Variants in IGFBP2 observed in about 807,000 individuals in gnomAD.
IGFBP2 encodes the protein insulin-like growth factor-binding protein 2.
In IGFBP2, 12 loss-of-function variants were observed where a neutral mutation model predicts 26.2. That is an observed-to-expected ratio of 0.46 (90% CI 0.29 to 0.74). The LOEUF (loss-of-function observed/expected upper bound fraction) is 0.74. IGFBP2 is among the 30% of genes least tolerant of loss of function. The pLI is 0.09. For missense variants in IGFBP2, 328 were observed against 441.2 expected (o/e 0.74, Z 2.30); for synonymous variants, 189 against 200.6 (o/e 0.94, Z 0.49).
intron 1 of IGFBP2, among the ~76,000 whole-genome samples, chr2:216,635,838 A>G (rs1237436589): frequency 6.6e-6 from 1 of 151,918 alleles, no homozygotes; most frequent in African/African-American, 2.4e-5. Flanking sequence ...CTGCCTGGTT[A>G]TGGGACTCCC....
chr2:216,663,933 T>C lies in IGFBP2; in HGVS notation c.814-7T>C, dbSNP rs9341219. ...GGCTCCTCCATGCTCTTCTCCTCTC[T>C]CCCCAGTGCAAGATGTCTCTGAACG... On this transcript the variant is annotated splice_region_variant and splice_polypyrimidine_tract_variant and intron_variant, in intron 3 of 3. Transcript: ENST00000233809. The C allele has an allele frequency of 6.4e-4, 1,029 of 1,613,102 alleles. 9 individuals are homozygous for C. In the African/African-American group the frequency reaches 0.013, roughly 20 times the overall value.
chr2:216,633,182 T>C (rs1339139080), upstream of IGFBP2, among the ~76,000 whole-genome samples: 2 of 152,194 alleles, frequency 1.3e-5, no homozygotes, highest in Non-Finnish European at 2.9e-5. Context: ...GTTATCCGTA[T>C]TCTCCTTCAG....
At chr2:216,638,376 C>T (rs1213797854) in intron 1 of IGFBP2, among the ~76,000 whole-genome samples, 1 of 146,904 alleles carries the variant, frequency 6.8e-6, no homozygotes, top group Non-Finnish European at 1.5e-5. Context: ...ATGGTGGCAC[C>T]TGCCTGTAGT....
At chr2:216,660,181 CTG>C (rs944955675) in intron 1 of IGFBP2, among the ~76,000 whole-genome samples, 2 of 152,200 alleles carry the variant, frequency 1.3e-5, no homozygotes, top group Non-Finnish European at 2.9e-5. Flanking sequence ...ATTCATCCCT[CTG>C]TGTGCCTCTG....
intron 1 of IGFBP2, among the ~76,000 whole-genome samples, chr2:216,641,445 A>G (rs771025790): frequency 6.6e-5 from 10 of 152,224 alleles, no homozygotes; most frequent in African/African-American, 2.4e-4. Flanking sequence ...TAAACTATAT[A>G]TAAAACCTAA....
chr2:216,633,970 C>T lies in IGFBP2; in HGVS notation c.442+5C>T. On this transcript the variant is annotated splice_donor_5th_base_variant and intron_variant, in intron 1 of 3. Coordinates refer to ENST00000233809, the MANE Select transcript of IGFBP2 (RefSeq NM_000597.3). ...CCAGCCCGGAGCAGGTTGCAGGTAA[C>T]GCGGTCTGGAACAAGTAGTTGGGAG... 6.3e-7 allele frequency: 1 copy of T among 1,594,804 alleles called. No homozygotes were observed. The highest frequency in any genetic ancestry group is 1.7e-4 in the Middle Eastern group (1 of 5,824).
At chr2:216,657,787 A>G (rs1440232133) in intron 1 of IGFBP2, among the ~76,000 whole-genome samples, 2 of 152,154 alleles carry the variant, frequency 1.3e-5, no homozygotes, top group Non-Finnish European at 2.9e-5. Flanking sequence ...CTGCTGGAAC[A>G]ATTTAATCTG....
chr2:216,660,902 T>G, intron 2 of IGFBP2, 116 bp downstream of exon 2: 2 of 761,538 alleles, frequency 2.6e-6, no homozygotes, highest in Non-Finnish European at 4.3e-6. Flanking sequence ...GCAAAGCACT[T>G]TTCTTTCCAC....
At chr2:216,661,099 C>G (rs1242801151) in intron 2 of IGFBP2, 1 of 382,400 alleles carries the variant, frequency 2.6e-6, no homozygotes, top group Non-Finnish European at 4.8e-6. Flanking sequence ...AACTTGCTTA[C>G]TCTTTTTTTT....
At chr2:216,662,115 T>C in intron 3 of IGFBP2, 117 bp downstream of exon 3, 1 of 1,182,010 alleles carries the variant, frequency 8.5e-7, no homozygotes, top group Non-Finnish European at 1.2e-6. Flanking sequence ...AGTGAGAGAC[T>C]CAGACTCCTG....
intron 1 of IGFBP2, among the ~76,000 whole-genome samples, chr2:216,657,706 CAGG>C (rs775566452): frequency 6.6e-6 from 1 of 152,092 alleles, no homozygotes; most frequent in Non-Finnish European, 1.5e-5. Context: ...CATGGTGGAG[CAGG>C]ACTCCAACCT....
intron 1 of IGFBP2, among the ~76,000 whole-genome samples, chr2:216,653,301 G>A (rs1697861251): frequency 1.3e-5 from 2 of 152,154 alleles, no homozygotes; most frequent in South Asian, 4.1e-4. Context: ...GTGGGAGTCC[G>A]TTTCTATCAA....
At chr2:216,653,331 T>C (rs2106200714) in intron 1 of IGFBP2, among the ~76,000 whole-genome samples, 1 of 152,322 alleles carries the variant, frequency 6.6e-6, no homozygotes, top group East Asian at 1.9e-4. Flanking sequence ...TTTGATTTGT[T>C]GAGTAAGATC....
intron 1 of IGFBP2, among the ~76,000 whole-genome samples, chr2:216,651,124 A>G (rs184328760): frequency 2.0e-5 from 3 of 152,292 alleles, no homozygotes; most frequent in African/African-American, 4.8e-5. Flanking sequence ...GAAGACACAT[A>G]AACAGTGTCA....
intron 2 of IGFBP2, 56 bp downstream of exon 2, chr2:216,660,842 C>A: frequency 7.9e-6 from 11 of 1,393,698 alleles, no homozygotes; most frequent in Non-Finnish European, 1.1e-5. Context: ...AGTGGGGTCT[C>A]AGCTGGAGGA....
intron 3 of IGFBP2, chr2:216,663,447 C>T (rs1377731293): frequency 1.3e-5 from 2 of 152,586 alleles, no homozygotes; most frequent in Non-Finnish European, 2.9e-5. Flanking sequence ...ATAATGGCAT[C>T]TAATTCACAA....
At position 216,664,118 on chromosome 2, in the gene IGFBP2, G is replaced by C; in HGVS notation, c.*14G>C. 1 of 1,564,552 alleles carries C rather than the reference G, an allele frequency of 6.4e-7. No individual in the cohort carries two copies. The highest frequency in any genetic ancestry group is 2.3e-5 in the East Asian group (1 of 43,494). On this transcript the variant is annotated 3_prime_UTR_variant, in exon 4 of 4. Coordinates refer to ENST00000233809, the MANE Select transcript of IGFBP2 (RefSeq NM_000597.3). This position sits in a 1 kb window ranked among gnomAD's most constrained non-coding sequence, Gnocchi z 4.6. Reference sequence around the variant, plus strand: ...CGGATGCAGTAGACCGCAGCCAGCCGGTGCCTGGCGCCCCTGCCCCCCGCC... The same window carrying C: ...CGGATGCAGTAGACCGCAGCCAGCCCGTGCCTGGCGCCCCTGCCCCCCGCC...
In IGFBP2 at chr2:216,641,808, G is replaced by T. The variant is rs112634267; in HGVS notation, c.442+7843G>T. On this transcript the variant is annotated intron_variant, in intron 1 of 3. Transcript: ENST00000233809. ...GGGTTCACGCCATTCTCCTGCCTCAGCCTCCCGAGTAGCTGGGACTACAGG... is the reference window on the plus strand; with the variant it reads ...GGGTTCACGCCATTCTCCTGCCTCATCCTCCCGAGTAGCTGGGACTACAGG... Among the ~76,000 whole-genome samples the T allele has an allele frequency of 4.4e-3, 665 of 150,022 alleles. 5 individuals carry two copies. The highest frequency in any genetic ancestry group is 5.5e-3 in the Non-Finnish European group (375 of 67,724).
At chr2:216,654,308 G>C (rs527356473) in intron 1 of IGFBP2, among the ~76,000 whole-genome samples, 1 of 152,292 alleles carries the variant, frequency 6.6e-6, no homozygotes, top group East Asian at 1.9e-4. Flanking sequence ...AACCCCATGT[G>C]TGCCTACTGT....
Sources: gnomAD v4.1 joint callset for allele counts (sites outside exome capture counted in the v4.1 genomes callset) on GRCh38, gnomAD v4.1.1 for gene constraint, Gnocchi (gnomAD v3.1) non-coding constraint, MANE v1.5 for transcripts, NCBI Gene and HGNC (gene_info 2026-07-23, HGNC 2026-07-21) for gene names.